The following ZFPM2 variants were observed in gnomAD, a reference collection of about 807,000 sequenced individuals.
ZFPM2 encodes the protein zinc finger protein, FOG family member 2.
A neutral mutation model predicts 98.6 loss-of-function variants in ZFPM2; 20 were observed. The ratio of observed to expected loss-of-function variants is 0.20; its 90% CI spans 0.14 to 0.29. The LOEUF is 0.29. Ranked by LOEUF, ZFPM2 falls within the 10% of genes least tolerant of loss-of-function variation. The pLI, the probability that ZFPM2 is intolerant of heterozygous loss-of-function variation, is 1.00. For missense variants in ZFPM2, 1,310 were observed against 1,388.6 expected (o/e 0.94, Z 0.90); for synonymous variants, 518 against 502.7 (o/e 1.03, Z -0.41).
At chr8:105,799,921 A>G (rs1813950382) in intron 7 of ZFPM2, among the ~76,000 whole-genome samples, 1 of 152,188 alleles carries the variant, frequency 6.6e-6, no homozygotes, top group South Asian at 2.1e-4. Flanking sequence ...TTTGTCTTTG[A>G]ACCTGTAAAA....
At chr8:105,669,916 C>T (rs1005112996) in intron 5 of ZFPM2, 6 of 152,032 alleles carry the variant, frequency 3.9e-5, no homozygotes, top group Non-Finnish European at 8.8e-5. Flanking sequence ...TTCCAATTGC[C>T]TGAGTTCTTT....
chr8:105,675,718 G>T (rs1425640382), intron 5 of ZFPM2, among the ~76,000 whole-genome samples: 1 of 152,106 alleles, frequency 6.6e-6, no homozygotes, highest in African/African-American at 2.4e-5. Context: ...GAAGGAGGAA[G>T]CTCTAAATAT....
Position 105,802,781 on chromosome 8 carries a change from G to T in ZFPM2, c.2699G>T (p.Ser900Ile). Residue 900 changes from serine to isoleucine, a missense_variant, in exon 8 of 8, where the codon AGC (serine) becomes ATC (isoleucine). Transcript: ENST00000407775. The stretch of plus-strand genomic sequence containing the variant: ...GGCAAAGTGTTTCCGAATCCAGAAA[G>T]CGAACGAAACAGCCCTGATGTCAGC... ...LDGKVFPNPE[S>I]ERNSPDVSYE... The T allele has an allele frequency of 6.2e-7, 1 of 1,613,658 alleles. No homozygotes were observed. Among genetic ancestry groups the T allele is most frequent in the Non-Finnish European group, 8.5e-7 (1 of 1,179,816 alleles).
Position 105,475,504 on chromosome 8 carries a change from T to G in ZFPM2, c.301+31123T>G, listed in dbSNP as rs1812995983. Among the ~76,000 whole-genome samples the G allele has an allele frequency of 2.0e-5, 3 of 152,212 alleles. No homozygotes were observed. In the South Asian group the frequency reaches 6.2e-4, roughly 31 times the overall value. The stretch of plus-strand genomic sequence containing the variant: ...TTTGAACTGTGTAGTGCTTGTGATT[T>G]GCTGAGGAAATGTTAAGTGTCCAGT... On this transcript the variant is annotated intron_variant, in intron 3 of 7. Transcript: ENST00000407775.
chr8:105,626,110 G>A (rs1463503642), intron 4 of ZFPM2, among the ~76,000 whole-genome samples: 1 of 152,032 alleles, frequency 6.6e-6, no homozygotes, highest in Non-Finnish European at 1.5e-5. Context: ...CTTACTAAAT[G>A]ACATTTACTA....
At chr8:105,321,185 C>A (rs972191039) in intron 1 of ZFPM2, among the ~76,000 whole-genome samples, 1 of 152,088 alleles carries the variant, frequency 6.6e-6, no homozygotes, top group Non-Finnish European at 1.5e-5. Flanking sequence ...ATTTTAGTTG[C>A]AATCTATTGA....
At chr8:105,454,732 A>G (rs1052993956) in intron 3 of ZFPM2, among the ~76,000 whole-genome samples, 1 of 152,142 alleles carries the variant, frequency 6.6e-6, no homozygotes, top group Non-Finnish European at 1.5e-5. Context: ...CCCTTCGTCC[A>G]CTATTTGGTT....
At chr8:105,712,151 T>C (rs1300406737) in intron 5 of ZFPM2, among the ~76,000 whole-genome samples, 5 of 151,830 alleles carry the variant, frequency 3.3e-5, no homozygotes, top group Admixed American at 3.3e-4. Context: ...TATAAGATGT[T>C]GTTGAAACAA....
At chr8:105,606,956 C>G (rs1032525341) in intron 4 of ZFPM2, among the ~76,000 whole-genome samples, 3 of 152,050 alleles carry the variant, frequency 2.0e-5, no homozygotes, top group Non-Finnish European at 4.4e-5. Context: ...TGGCTTTTAT[C>G]CCCCTCCAAA....
chr8:105,460,169 GCAAAT>G (rs1812677369), intron 3 of ZFPM2, among the ~76,000 whole-genome samples: 1 of 152,150 alleles, frequency 6.6e-6, no homozygotes, highest in Non-Finnish European at 1.5e-5. Flanking sequence ...AGTGGAGAAG[GCAAAT>G]CAATTTTCTT....
intron 1 of ZFPM2, among the ~76,000 whole-genome samples, chr8:105,403,689 A>G (rs1401046144): frequency 6.6e-6 from 1 of 152,010 alleles, no homozygotes; most frequent in Non-Finnish European, 1.5e-5. Flanking sequence ...TAACAGAGAT[A>G]TAGCCTGGCT....
intron 4 of ZFPM2, among the ~76,000 whole-genome samples, chr8:105,580,273 C>T (rs1815560818): frequency 6.6e-6 from 1 of 152,072 alleles, no homozygotes; most frequent in Non-Finnish European, 1.5e-5. Flanking sequence ...TGTGTGAAGG[C>T]AGAATTGGAA....
rs73697378 is a variant in ZFPM2, at chr8:105,528,495, C to T, written c.302-32868C>T. ...GATGAATGTTGCCATACATATTTAC[C>T]ATTCTGGCCTGTTTTGTTTCCATTA... On this transcript the variant is annotated intron_variant, in intron 3 of 7. Coordinates refer to ENST00000407775, the MANE Select transcript of ZFPM2 (RefSeq NM_012082.4). 2.6e-3 allele frequency among the ~76,000 whole-genome samples: 401 copies of T among 152,116 alleles called. 1 individual carries two copies. Among genetic ancestry groups the T allele is most frequent in the African/African-American group, 9.3e-3 (388 of 41,500 alleles).
intron 5 of ZFPM2, among the ~76,000 whole-genome samples, chr8:105,732,496 C>A (rs573665750): frequency 3.8e-4 from 58 of 151,792 alleles, no homozygotes; most frequent in Non-Finnish European, 8.8e-5. Flanking sequence ...ATTCCACATG[C>A]GAACATTCAA....
At chr8:105,419,375 A>G (rs1355957896) in intron 2 of ZFPM2, 73 bp downstream of exon 2, 10 of 1,544,308 alleles carry the variant, frequency 6.5e-6, no homozygotes, top group African/African-American at 2.8e-5. Context: ...AAAATGCATA[A>G]TAGTCCTCAG....
intron 5 of ZFPM2, among the ~76,000 whole-genome samples, chr8:105,735,560 A>G (rs1351558107): frequency 6.6e-6 from 1 of 152,016 alleles, no homozygotes; most frequent in African/African-American, 2.4e-5. Context: ...CCCTGTGTAT[A>G]TAAAATATTG....
intron 5 of ZFPM2, among the ~76,000 whole-genome samples, chr8:105,648,457 C>G (rs1315502452): frequency 1.3e-5 from 2 of 152,116 alleles, no homozygotes; most frequent in African/African-American, 2.4e-5. Flanking sequence ...TTGCCCATGC[C>G]TATGTCCTGA....
intron 3 of ZFPM2, among the ~76,000 whole-genome samples, chr8:105,527,938 A>G (rs1219102416): frequency 1.3e-5 from 2 of 152,216 alleles, no homozygotes. Context: ...TCATGGCTTT[A>G]GAAGATAGTT....
Position 105,491,264 on chromosome 8 carries a change from C to G in ZFPM2, c.301+46883C>G, listed in dbSNP as rs572654907. Among the ~76,000 whole-genome samples, 281 of 152,098 alleles carry G rather than the reference C, an allele frequency of 1.8e-3. 2 individuals are homozygous for G. Among genetic ancestry groups the G allele is most frequent in the African/African-American group, 6.2e-3 (256 of 41,488 alleles). ...TCACCTCTTGGTCAAAGAACTGCAT[C>G]CTTTCATAGTGAGAAGAGTACATTA... is the stretch of plus-strand genomic sequence containing the variant. On this transcript the variant is annotated intron_variant, in intron 3 of 7. Transcript: ENST00000407775.
Sources: gnomAD v4.1 joint callset for allele counts (sites outside exome capture counted in the v4.1 genomes callset) on GRCh38, gnomAD v4.1.1 for gene constraint, MANE v1.5 for transcripts, NCBI Gene and HGNC (gene_info 2026-07-23, HGNC 2026-07-21) for gene names.